The following CELF2 variants were observed in gnomAD, a reference collection of about 807,000 sequenced individuals.
CELF2 encodes the protein CUGBP Elav-like family member 2.
In CELF2, 8 loss-of-function variants were observed where a neutral mutation model predicts 62.6. The observed-to-expected ratio is 0.13, with a 90% CI of 0.07 to 0.23. CELF2 has a LOEUF of 0.23. Among genes scored for constraint, CELF2 ranks in the 10% least tolerant of loss-of-function variants. The probability of loss-of-function intolerance (pLI) is 1.00; values close to 1 mark genes in which losing one functional copy is unlikely to be tolerated. For missense variants in CELF2, 333 were observed against 671.0 expected, an observed-to-expected ratio of 0.50 and a Z score of 5.56; for synonymous variants, 258 against 250.0, an observed-to-expected ratio of 1.03 and a Z score of -0.30.
intron 9 of CELF2, among the ~76,000 whole-genome samples, chr10:11,312,113 A>T (rs953342673): frequency 2.0e-5 from 3 of 152,192 alleles, no homozygotes; most frequent in Non-Finnish European, 4.4e-5. Context: ...CAACAGTAAT[A>T]ATGGAAATCA....
At chr10:10,837,292 T>A (rs1173598665) in intron 1 of CELF2, among the ~76,000 whole-genome samples, 1 of 152,232 alleles carries the variant, frequency 6.6e-6, no homozygotes, top group African/African-American at 2.4e-5. Context: ...CCCCTTTCAC[T>A]TGGCTCTCAT....
At chr10:10,802,797 C>G (rs546780810) in intron 1 of CELF2, among the ~76,000 whole-genome samples, 1 of 152,274 alleles carries the variant, frequency 6.6e-6, no homozygotes, top group Non-Finnish European at 1.5e-5. Flanking sequence ...TGAGGAATGT[C>G]CTTCCCCACC....
chr10:10,929,108 G>A (rs535863852), intron 2 of CELF2, among the ~76,000 whole-genome samples: 3 of 152,178 alleles, frequency 2.0e-5, no homozygotes, highest in East Asian at 1.9e-4. Flanking sequence ...TCACTGCTCC[G>A]TAGACTTGGG....
chr10:10,580,992 A>G, the CELF2 span, among the ~76,000 whole-genome samples: 4 of 152,170 alleles, frequency 2.6e-5, no homozygotes, highest in Non-Finnish European at 4.4e-5. Context: ...AGAAAAATAG[A>G]TCTATTTGGA....
chr10:10,953,842 G>GA (rs1322733456), intron 2 of CELF2, among the ~76,000 whole-genome samples: 3 of 148,730 alleles, frequency 2.0e-5, no homozygotes, highest in Admixed American at 1.3e-4. Context: ...TGACAAACCA[G>GA]AAAAAAAATT....
At chr10:10,547,472 C>T in the CELF2 span, among the ~76,000 whole-genome samples, 6 of 152,210 alleles carry the variant, frequency 3.9e-5, no homozygotes, top group Admixed American at 6.5e-5. Flanking sequence ...AAAAGCAAAG[C>T]GCACAAAAAG....
intron 1 of CELF2, among the ~76,000 whole-genome samples, chr10:10,905,813 G>A (rs2063293330): frequency 6.6e-6 from 1 of 151,770 alleles, no homozygotes; most frequent in African/African-American, 2.4e-5. Flanking sequence ...AGGAGGCGGA[G>A]CTTGCAGTGA....
the CELF2 span, among the ~76,000 whole-genome samples, chr10:10,691,447 A>T: frequency 6.8e-6 from 1 of 147,952 alleles, no homozygotes; most frequent in South Asian, 2.3e-4. Flanking sequence ...TGCTATTGTG[A>T]ATAATGCCAC....
chr10:11,053,403 A>AG (rs1344551843), intron 1 of CELF2, among the ~76,000 whole-genome samples: 4 of 152,310 alleles, frequency 2.6e-5, no homozygotes, highest in African/African-American at 9.6e-5. Flanking sequence ...GGCATAGCTA[A>AG]GGAATCAAAA....
At chr10:11,184,465 A>G (rs562362722) in intron 2 of CELF2, among the ~76,000 whole-genome samples, 1 of 152,322 alleles carries the variant, frequency 6.6e-6, no homozygotes, top group East Asian at 1.9e-4. Context: ...TAGGAAATGC[A>G]TTGGATCTGT....
Position 11,098,707 on chromosome 10 carries a change from C to T in CELF2, c.75-66779C>T, listed in dbSNP as rs1326106627. Among the ~76,000 whole-genome samples, 1 of 152,192 alleles carries T rather than the reference C, an allele frequency of 6.6e-6. No homozygotes were observed. The highest frequency in any genetic ancestry group is 1.9e-4 in the East Asian group (1 of 5,204). ...GTAGAAATAACAAAGGCCCTGGATA[C>T]AGTAGAATGTCTGGCCTTACTTTTC... is the stretch of plus-strand genomic sequence containing the variant. On this transcript the variant is annotated intron_variant, in intron 1 of 12. Transcript: ENST00000633077. The surrounding 1 kb of genome is among the most constrained non-coding windows in gnomAD (Gnocchi z 4.0).
At chr10:11,272,178 G>A (rs1244865597) in intron 7 of CELF2, among the ~76,000 whole-genome samples, 2 of 152,222 alleles carry the variant, frequency 1.3e-5, no homozygotes, top group Non-Finnish European at 2.9e-5. Context: ...GCTAGCAAAA[G>A]CATTGGCTCA....
intron 1 of CELF2, among the ~76,000 whole-genome samples, chr10:10,895,306 T>G (rs2062462100): frequency 6.6e-6 from 1 of 152,218 alleles, no homozygotes; most frequent in African/African-American, 2.4e-5. Flanking sequence ...TTACCTTACC[T>G]GAAATTGAGC....
intron 1 of CELF2, among the ~76,000 whole-genome samples, chr10:11,086,289 A>G (rs969875769): frequency 3.3e-5 from 5 of 152,010 alleles, no homozygotes; most frequent in Admixed American, 2.0e-4. Context: ...ATTCGCAGCA[A>G]TAACAACCGT....
At chr10:11,074,150 C>G (rs543884499) in intron 1 of CELF2, among the ~76,000 whole-genome samples, 364 of 152,244 alleles carry the variant, frequency 2.4e-3, no homozygotes, top group Middle Eastern at 6.8e-3. Flanking sequence ...CTTTTTTGAT[C>G]AGCAAAATGT....
chr10:11,316,150 A>C lies in CELF2; in HGVS notation c.1096+1892A>C, dbSNP rs2094960637. 6.6e-6 allele frequency among the ~76,000 whole-genome samples: 1 copy of C among 152,220 alleles called. No individual in the cohort carries two copies. The highest frequency in any genetic ancestry group is 1.9e-4 in the East Asian group (1 of 5,200). On this transcript the variant is annotated intron_variant, in intron 10 of 12. Transcript: ENST00000633077. This position sits in a 1 kb window ranked among gnomAD's most constrained non-coding sequence, Gnocchi z 4.4. ...GTTCTTGTGTGGGGTCTTGTGTGAT[A>C]CACATTTTGCTTCTGGCAAGGACAA...
chr10:10,777,776 C>A, the CELF2 span, among the ~76,000 whole-genome samples: 1 of 152,184 alleles, frequency 6.6e-6, no homozygotes, highest in Non-Finnish European at 1.5e-5. Context: ...CCAAACCTGA[C>A]TCCATAGCTC....
chr10:11,226,036 G>C (rs1417980614), intron 3 of CELF2, among the ~76,000 whole-genome samples: 1 of 152,190 alleles, frequency 6.6e-6, no homozygotes, highest in Non-Finnish European at 1.5e-5. Flanking sequence ...CCTCGTGGTG[G>C]TGGATTTAGG....
At chr10:11,205,216 G>A (rs1157032430) in intron 2 of CELF2, among the ~76,000 whole-genome samples, 1 of 152,154 alleles carries the variant, frequency 6.6e-6, no homozygotes, top group Non-Finnish European at 1.5e-5. Flanking sequence ...TAAAGGGCTC[G>A]TGGTCATCAC....
Sources: gnomAD v4.1 joint callset for allele counts (sites outside exome capture counted in the v4.1 genomes callset) on GRCh38, gnomAD v4.1.1 for gene constraint, Gnocchi (gnomAD v3.1) non-coding constraint, MANE v1.5 for transcripts, NCBI Gene and HGNC (gene_info 2026-07-23, HGNC 2026-07-21) for gene names.